Variants in ADAM12 observed in about 807,000 individuals in gnomAD.
ADAM12 encodes disintegrin and metalloproteinase domain-containing protein 12.
In ADAM12, 70 loss-of-function variants were observed where a neutral mutation model predicts 106.4. That is an observed-to-expected ratio of 0.66 (90% CI 0.54 to 0.80). ADAM12 has a LOEUF of 0.80. Ranked by LOEUF, ADAM12 falls within the 30% of genes least tolerant of loss-of-function variation. The probability of loss-of-function intolerance (pLI) is 0.00; values close to 1 mark genes in which losing one functional copy is unlikely to be tolerated. For synonymous variants in ADAM12, 420 were observed against 433.5 expected, an observed-to-expected ratio of 0.97 and a Z score of 0.39; for missense variants, 1,010 against 1,171.9, an observed-to-expected ratio of 0.86 and a Z score of 2.02.
At chr10:126,085,585 C>T (rs997685122) in intron 11 of ADAM12, among the ~76,000 whole-genome samples, 1 of 152,190 alleles carries the variant, frequency 6.6e-6, no homozygotes, top group Non-Finnish European at 1.5e-5. Context: ...CATTCATCCA[C>T]CTATCCACCT....
chr10:126,231,454 C>T (rs887688999), intron 3 of ADAM12, among the ~76,000 whole-genome samples: 5 of 151,912 alleles, frequency 3.3e-5, no homozygotes, highest in African/African-American at 1.2e-4. Flanking sequence ...ATAATATCTA[C>T]CCTTAAAGCA....
intron 14 of ADAM12, among the ~76,000 whole-genome samples, chr10:126,051,536 C>CCAGCCACCCATCCAT (rs1954490578): frequency 1.7e-4 from 20 of 118,990 alleles, no homozygotes; most frequent in Non-Finnish European, 3.4e-4. Context: ...CAGCCAGCCA[C>CCAGCCACCCATCCAT]CCATCCATCC....
At chr10:126,255,428 C>A (rs778213778) in intron 3 of ADAM12, among the ~76,000 whole-genome samples, 4 of 152,124 alleles carry the variant, frequency 2.6e-5, no homozygotes, top group African/African-American at 4.8e-5. Context: ...CACGGCTCCA[C>A]CTCACACACT....
intron 5 of ADAM12, among the ~76,000 whole-genome samples, chr10:126,127,543 A>G (rs983934118): frequency 6.6e-6 from 1 of 152,188 alleles, no homozygotes; most frequent in Admixed American, 6.5e-5. Context: ...CCAGTGTAGC[A>G]GACAGGAAGG....
At chr10:126,321,882 C>T (rs970461156) in intron 2 of ADAM12, among the ~76,000 whole-genome samples, 6 of 137,284 alleles carry the variant, frequency 4.4e-5, no homozygotes, top group Non-Finnish European at 9.1e-5. Flanking sequence ...CTAGTCTTCT[C>T]GCTTAACTTT....
chr10:126,013,321 T>C lies in ADAM12; in HGVS notation c.*3958A>G, dbSNP rs987190647. On this transcript the variant is annotated 3_prime_UTR_variant, in exon 23 of 23. Transcript: ENST00000448723. This position sits in a 1 kb window ranked among gnomAD's most constrained non-coding sequence, Gnocchi z 4.3. Reference sequence around the variant, plus strand: ...GGGGCTCCCAAACTTTCTTAGAGTGTCATTTGTTTTAGTATCAGAGTTTTC... The same window carrying C: ...GGGGCTCCCAAACTTTCTTAGAGTGCCATTTGTTTTAGTATCAGAGTTTTC... 3 of 152,244 alleles carry C rather than the reference T, an allele frequency of 2.0e-5. No homozygotes were observed. Among genetic ancestry groups the C allele is most frequent in the Admixed American group, 2.0e-4 (3 of 15,288 alleles). 9.4% of individuals were successfully genotyped at this position (152,244 alleles called of 1,614,324 possible). A position where few individuals can be genotyped will look rare whatever the true frequency, so the allele number is the denominator to read the frequency against.
chr10:126,127,181 A>G (rs893051701), intron 5 of ADAM12, among the ~76,000 whole-genome samples: 13 of 152,026 alleles, frequency 8.6e-5, no homozygotes, highest in African/African-American at 2.4e-4. Flanking sequence ...CCATGGGAGG[A>G]AGCAGAAGGG....
In ADAM12 at chr10:126,043,240, C is replaced by A; in HGVS notation, c.1996-92G>T. 8.4e-7 allele frequency: 1 copy of A among 1,193,428 alleles called. No individual in the cohort carries two copies. The allele number at this position is 1,193,428 out of a possible 1,614,324, so 73.9% of individuals were successfully genotyped here. A position where few individuals can be genotyped will look rare whatever the true frequency, so the allele number is the denominator to read the frequency against. Reference sequence around the variant, plus strand: ...AAGGGGGGCCATGGTCAGAGCCCCCCCCCAACACTGACACAGCCAGACTCA... The same window carrying A: ...AAGGGGGGCCATGGTCAGAGCCCCCACCCAACACTGACACAGCCAGACTCA... On this transcript the variant is annotated intron_variant, in intron 17 of 22. Coordinates refer to ENST00000448723, the MANE Select transcript of ADAM12 (RefSeq NM_001288973.2). This position sits in a 1 kb window ranked among gnomAD's most constrained non-coding sequence, Gnocchi z 4.1.
rs111296446 is a variant in ADAM12 at position 126,061,677 on chromosome 10, G to A, written c.1609+3129C>T. On this transcript the variant is annotated intron_variant, in intron 14 of 22. Coordinates refer to ENST00000448723, the MANE Select transcript of ADAM12 (RefSeq NM_001288973.2). ...AGTCGGAGAGGGACAGAGACTTGCA[G>A]ATGCTGTGCTGTTGGCCTCGAAGAT... Among the ~76,000 whole-genome samples the A allele has an allele frequency of 4.6e-5, 7 of 152,284 alleles. 1 individual carries two copies. The highest frequency in any genetic ancestry group is 1.4e-4 in the African/African-American group (6 of 41,548).
intron 1 of ADAM12, among the ~76,000 whole-genome samples, chr10:126,358,133 C>T (rs1165064733): frequency 4.0e-5 from 6 of 149,682 alleles, no homozygotes; most frequent in Non-Finnish European, 8.9e-5. Flanking sequence ...GAGCCGAGAT[C>T]GCGCCACTGC....
Position 126,388,416 on chromosome 10 carries a change from A to G in ADAM12, c.-271T>C, listed in dbSNP as rs980862774. The G allele has an allele frequency of 3.3e-6, 1 of 300,888 alleles. No individual in the cohort carries two copies. Among genetic ancestry groups the G allele is most frequent in the Admixed American group, 5.3e-5 (1 of 18,862 alleles). The allele number at this position is 300,888 out of a possible 1,614,324, so 18.6% of individuals were successfully genotyped here. A position where few individuals can be genotyped will look rare whatever the true frequency, so the allele number is the denominator to read the frequency against. ...CTTGACCGTTGCAATAAATGAGCAA[A>G]CTGTCCGAGTTGGCCCGGGGACTAG... On this transcript the variant is annotated 5_prime_UTR_variant, in exon 1 of 23. Coordinates refer to ENST00000448723, the MANE Select transcript of ADAM12 (RefSeq NM_001288973.2). This position sits in a 1 kb window ranked among gnomAD's most constrained non-coding sequence, Gnocchi z 4.4.
intron 1 of ADAM12, among the ~76,000 whole-genome samples, chr10:126,374,913 C>G (rs1482006916): frequency 6.6e-6 from 1 of 152,036 alleles, no homozygotes; most frequent in Non-Finnish European, 1.5e-5. Context: ...ACTACACATA[C>G]ACAAACACAC....
chr10:126,215,040 T>TGG (rs910309137), intron 3 of ADAM12, among the ~76,000 whole-genome samples: 3 of 152,194 alleles, frequency 2.0e-5, no homozygotes, highest in African/African-American at 7.2e-5. Flanking sequence ...TCCAAGCCCC[T>TGG]GGGGCTGGCT....
rs780078203 is a variant in ADAM12 at position 126,109,838 on chromosome 10, A to G, written c.606T>C (p.His202=). 1.2e-6 allele frequency: 2 copies of G among 1,612,818 alleles called. No homozygotes were observed. The highest frequency in any genetic ancestry group is 4.5e-5 in the East Asian group (2 of 44,864). ...PPPSQTWARR[H]KRETLKATKY... ...TAGTTGCCTTGAGGGTCTCTCTTTT[A>G]TGCTGCCAAGAGTAAACATGCACTT... Residue 202 remains histidine (H), a splice_region_variant and synonymous_variant, in exon 7 of 23, where the codon CAT becomes CAC. Coordinates refer to ENST00000448723, the MANE Select transcript of ADAM12 (RefSeq NM_001288973.2).
At position 126,373,003 on chromosome 10, in the gene ADAM12, A is replaced by C. The variant is rs541010121; in HGVS notation, c.88+15055T>G. On this transcript the variant is annotated intron_variant, in intron 1 of 22. Coordinates refer to ENST00000448723, the MANE Select transcript of ADAM12 (RefSeq NM_001288973.2). ...AAAGCTTAGTGAATTGAATAGACTA[A>C]ATCTGACATGTCCAAATTTTAGTGG... 2.6e-5 allele frequency among the ~76,000 whole-genome samples: 4 copies of C among 152,290 alleles called. No homozygotes were observed. In the East Asian group the frequency reaches 7.7e-4, roughly 29 times the overall value.
At chr10:126,382,167 T>G (rs142098611) in intron 1 of ADAM12, among the ~76,000 whole-genome samples, 1 of 140,568 alleles carries the variant, frequency 7.1e-6, no homozygotes, top group Non-Finnish European at 1.6e-5. Flanking sequence ...CAGGGGGCAC[T>G]GGGCACTGGA....
At chr10:126,151,662 T>C (rs1336248151) in intron 4 of ADAM12, among the ~76,000 whole-genome samples, 1 of 152,048 alleles carries the variant, frequency 6.6e-6, no homozygotes, top group Non-Finnish European at 1.5e-5. Context: ...GTTTCTTATA[T>C]GTTAGTTAAA....
intron 12 of ADAM12, among the ~76,000 whole-genome samples, chr10:126,071,019 GC>G (rs1393278826): frequency 6.6e-6 from 1 of 152,150 alleles, no homozygotes; most frequent in Non-Finnish European, 1.5e-5. Flanking sequence ...GCATACAGAG[GC>G]GTCTGCAGCA....
intron 2 of ADAM12, among the ~76,000 whole-genome samples, chr10:126,295,932 A>AACACAC (rs1028355107): frequency 4.3e-5 from 6 of 139,838 alleles, no homozygotes; most frequent in Non-Finnish European, 7.9e-5. Flanking sequence ...CACACACATA[A>AACACAC]ACACACACAC....
Sources: allele counts gnomAD v4.1 joint callset (sites outside exome capture counted in the v4.1 genomes callset), GRCh38; gene constraint gnomAD v4.1.1; non-coding constraint Gnocchi (gnomAD v3.1); transcripts MANE v1.5; gene names NCBI Gene and HGNC (gene_info 2026-07-23, HGNC 2026-07-21).